TMPRSS7: variants seen among roughly 807,000 people sequenced by gnomAD.
The protein encoded by TMPRSS7 is transmembrane protease serine 7.
A neutral mutation model predicts 95.6 loss-of-function variants in TMPRSS7; 81 were observed. That is an observed-to-expected ratio of 0.85 (90% CI 0.71 to 1.02). The LOEUF (loss-of-function observed/expected upper bound fraction) is 1.02. Among genes scored for constraint, TMPRSS7 ranks in the 50% least tolerant of loss-of-function variants. The pLI is 0.00. For missense variants in TMPRSS7, 945 were observed against 955.2 expected, an observed-to-expected ratio of 0.99 and a Z score of 0.14; for synonymous variants, 364 against 337.8, an observed-to-expected ratio of 1.08 and a Z score of -0.85.
chr3:112,049,829 A>G lies in TMPRSS7; in HGVS notation c.960-15A>G. 2 of 1,507,290 alleles carry G rather than the reference A, an allele frequency of 1.3e-6. No homozygotes were observed. The highest frequency in any genetic ancestry group is 1.8e-6 in the Non-Finnish European group (2 of 1,117,004). The allele number at this position is 1,507,290 out of a possible 1,614,324, so 93.4% of individuals were successfully genotyped here. A position where few individuals can be genotyped will look rare whatever the true frequency, so the allele number is the denominator to read the frequency against. On this transcript the variant is annotated splice_polypyrimidine_tract_variant and intron_variant, in intron 7 of 17. Coordinates refer to ENST00000452346, the Ensembl canonical transcript of TMPRSS7. ...CGTATTATTCATGTACTTTTGTTTT[A>G]TTATCTGCTTTCAGAATTTGTGAAC...
chr3:112,078,268 A>G (rs73856349), intron 16 of TMPRSS7, among the ~76,000 whole-genome samples: 2,588 of 152,306 alleles, frequency 0.017, 79 homozygotes, highest in East Asian at 0.064. Flanking sequence ...ATGTGTGTGT[A>G]CACTTATTTT....
chr3:112,045,883 C>T (rs1234927733), exon 5 of TMPRSS7: 6 of 1,551,876 alleles, frequency 3.9e-6, no homozygotes, highest in Middle Eastern at 1.7e-4. Context: ...CATCATAAAC[C>T]GGACCTCTGT....
chr3:112,036,021 C>T (rs925636134), intron 1 of TMPRSS7, among the ~76,000 whole-genome samples: 12 of 152,122 alleles, frequency 7.9e-5, no homozygotes, highest in Admixed American at 2.0e-4. Context: ...ACCCTACAAC[C>T]GTATGTAAAC....
chr3:112,043,018 T>C (rs765125669), intron 3 of TMPRSS7: 4 of 455,996 alleles, frequency 8.8e-6, no homozygotes, highest in South Asian at 3.1e-5. Context: ...TCAAAGACAA[T>C]AGTGCTCAGA....
intron 10 of TMPRSS7, 136 bp from the exon 11 acceptor site, chr3:112,061,651 A>G: frequency 1.1e-6 from 1 of 893,080 alleles, no homozygotes; most frequent in East Asian, 2.7e-5. Context: ...TAGAATGAAT[A>G]ACTACCATTA....
chr3:112,072,878 G>A (rs987992281), intron 13 of TMPRSS7, among the ~76,000 whole-genome samples: 2 of 152,208 alleles, frequency 1.3e-5, no homozygotes, highest in Non-Finnish European at 2.9e-5. Flanking sequence ...ATAGACATAC[G>A]TGTGCATGTG....
chr3:112,060,162 G>T (rs1012596834), intron 10 of TMPRSS7, among the ~76,000 whole-genome samples: 5 of 152,088 alleles, frequency 3.3e-5, no homozygotes, highest in African/African-American at 4.8e-5. Flanking sequence ...ATAGGGTGTG[G>T]GTCACAGAGA....
At position 112,045,700 on chromosome 3, in the gene TMPRSS7, C is replaced by G. The variant is rs538810957; in HGVS notation, c.498-50C>G. 32 of 1,474,198 alleles carry G rather than the reference C, an allele frequency of 2.2e-5. No homozygotes were observed. In the African/African-American group the frequency reaches 3.3e-4, roughly 15 times the overall value. The allele number at this position is 1,474,198 out of a possible 1,614,324, so 91.3% of individuals were successfully genotyped here. ...TGAATCCATCATCTGGGTATTTCTT[C>G]TCTGTAAAGTCCTATGAGGTCCCTG... On this transcript the variant is annotated intron_variant, in intron 4 of 17. Coordinates refer to ENST00000452346, the Ensembl canonical transcript of TMPRSS7.
intron 3 of TMPRSS7, 106 bp from the exon 4 acceptor site, chr3:112,044,149 G>A: frequency 2.8e-6 from 2 of 725,036 alleles, no homozygotes; most frequent in East Asian, 5.5e-5. Context: ...TTTGAGGCTT[G>A]CATTTCTTCT....
At chr3:112,054,276 C>G (rs1015715277) in intron 9 of TMPRSS7, among the ~76,000 whole-genome samples, 4 of 152,192 alleles carry the variant, frequency 2.6e-5, no homozygotes, top group East Asian at 1.9e-4. Flanking sequence ...AGGTCCAGAT[C>G]GGGAAAATTC....
At chr3:112,061,965 A>T (rs764511706) in intron 11 of TMPRSS7, 42 bp downstream of exon 11, 32 of 1,503,286 alleles carry the variant, frequency 2.1e-5, no homozygotes, top group African/African-American at 2.8e-5. Flanking sequence ...TAATACTTAC[A>T]TAGAGGATAA....
chr3:112,079,523 GA>G (rs1466373442), intron 17 of TMPRSS7, among the ~76,000 whole-genome samples: 3 of 152,152 alleles, frequency 2.0e-5, no homozygotes, highest in Non-Finnish European at 4.4e-5. Context: ...AACATCATGA[GA>G]TTTTTTTTTG....
At chr3:112,079,668 T>C (rs2073754988) in intron 17 of TMPRSS7, among the ~76,000 whole-genome samples, 3 of 152,094 alleles carry the variant, frequency 2.0e-5, no homozygotes, top group Admixed American at 2.0e-4. Context: ...AGTAGGACAG[T>C]GGGAGCTGTT....
chr3:112,037,428 C>G (rs1400168063), intron 1 of TMPRSS7, among the ~76,000 whole-genome samples: 2 of 152,166 alleles, frequency 1.3e-5, no homozygotes. Context: ...TCTAGTCAGA[C>G]CAGTTCTCTG....
At chr3:112,066,298 A>G in intron 12 of TMPRSS7, 94 bp from the exon 13 acceptor site, 8 of 1,038,268 alleles carry the variant, frequency 7.7e-6, no homozygotes, top group Non-Finnish European at 1.2e-5. Flanking sequence ...GGTCATCCTA[A>G]TGATTTGTAC....
chr3:112,077,426 G>T (rs544412133), intron 16 of TMPRSS7, among the ~76,000 whole-genome samples: 4 of 152,276 alleles, frequency 2.6e-5, no homozygotes, highest in Non-Finnish European at 5.9e-5. Flanking sequence ...AACTCTGAAG[G>T]TTATGCTATG....
At chr3:112,043,031 A>G (rs1167398011) in intron 3 of TMPRSS7, 1 of 455,988 alleles carries the variant, frequency 2.2e-6, no homozygotes, top group Non-Finnish European at 4.4e-6. Flanking sequence ...TGCTCAGAGC[A>G]GCTTTTACTT....
rs192353447 is a variant in TMPRSS7 at position 112,061,553 on chromosome 3, A to G, written c.1311-234A>G. On this transcript the variant is annotated intron_variant, in intron 10 of 17. Coordinates refer to ENST00000452346, the Ensembl canonical transcript of TMPRSS7. ...TTGGATCATAAGTGATGGTGAGGAA[A>G]GCAACAGGTCAATGGTACTATTATT... Among the ~76,000 whole-genome samples the G allele has an allele frequency of 5.4e-3, 819 of 152,340 alleles. 2 individuals are homozygous for G. Among genetic ancestry groups the G allele is most frequent in the Admixed American group, 9.2e-3 (140 of 15,300 alleles).
intron 16 of TMPRSS7, 126 bp downstream of exon 16, chr3:112,077,270 G>A: frequency 7.4e-6 from 8 of 1,082,172 alleles, no homozygotes; most frequent in Non-Finnish European, 9.3e-6. Flanking sequence ...GACAACTCTG[G>A]AAGGTTGGAT....
Sources: allele counts gnomAD v4.1 joint callset (sites outside exome capture counted in the v4.1 genomes callset), GRCh38; gene constraint gnomAD v4.1.1; transcripts MANE v1.5; gene names NCBI Gene and HGNC (gene_info 2026-07-23, HGNC 2026-07-21).